TLK2: variants seen among roughly 807,000 people sequenced by gnomAD.
The protein encoded by TLK2 is tousled like kinase 2.
A neutral mutation model predicts 117.3 loss-of-function variants in TLK2; 6 were observed. The observed-to-expected ratio is 0.05, with a 90% CI of 0.03 to 0.10. The LOEUF (loss-of-function observed/expected upper bound fraction) is 0.10, where lower values mean the gene tolerates loss of function less well. Ranked by LOEUF, TLK2 falls within the 10% of genes least tolerant of loss-of-function variation. The probability of loss-of-function intolerance (pLI) is 1.00; values close to 1 mark genes in which losing one functional copy is unlikely to be tolerated. For missense variants in TLK2, 299 were observed against 901.2 expected, an observed-to-expected ratio of 0.33 and a Z score of 8.56; for synonymous variants, 257 against 316.7, an observed-to-expected ratio of 0.81 and a Z score of 2.00.
chr17:62,497,285 T>C (rs1015575122), intron 2 of TLK2, among the ~76,000 whole-genome samples: 1 of 152,122 alleles, frequency 6.6e-6, no homozygotes, highest in African/African-American at 2.4e-5. Context: ...AAAAAAATTC[T>C]GTGACTCAAA....
chr17:62,580,555 G>A (rs543562297), intron 15 of TLK2, among the ~76,000 whole-genome samples: 2 of 152,280 alleles, frequency 1.3e-5, no homozygotes, highest in African/African-American at 4.8e-5. Context: ...TGTCAAACCT[G>A]TTTCCAATAA....
In TLK2 at chr17:62,497,053, T is replaced by A. The variant is rs138568470; in HGVS notation, c.81+15847T>A. On this transcript the variant is annotated intron_variant, in intron 2 of 21. Transcript: ENST00000346027. ...CAAGAGGACCATTGAGCCTAGGAGT[T>A]TGAGACCAGCCTGGGCAAAGTGGTG... is the stretch of plus-strand genomic sequence containing the variant. Among the ~76,000 whole-genome samples, 127 of 151,920 alleles carry A rather than the reference T, an allele frequency of 8.4e-4. 2 individuals carry two copies. In the East Asian group the frequency reaches 0.019, roughly 23 times the overall value.
At chr17:62,514,097 T>C (rs942289524) in intron 2 of TLK2, among the ~76,000 whole-genome samples, 4 of 152,192 alleles carry the variant, frequency 2.6e-5, no homozygotes, top group Non-Finnish European at 4.4e-5. Flanking sequence ...AAAAAAGTGC[T>C]ACGTGTTAGT....
At chr17:62,554,735 G>T (rs2078719798) in intron 9 of TLK2, among the ~76,000 whole-genome samples, 1 of 152,008 alleles carries the variant, frequency 6.6e-6, no homozygotes, top group Non-Finnish European at 1.5e-5. Context: ...TACAAAATTT[G>T]CCAGGCATGG....
At chr17:62,555,880 C>T (rs1598561260) in intron 9 of TLK2, among the ~76,000 whole-genome samples, 1 of 152,152 alleles carries the variant, frequency 6.6e-6, no homozygotes, top group African/African-American at 2.4e-5. Context: ...CCCCAGTCCC[C>T]GCCTGATGTG....
intron 2 of TLK2, chr17:62,507,580 G>GT (rs771846810): frequency 6.6e-6 from 1 of 152,148 alleles, no homozygotes; most frequent in Non-Finnish European, 1.5e-5. Context: ...CTAGGCAGGC[G>GT]TAACTTTTGT....
chr17:62,482,943 A>T (rs2071863242), intron 2 of TLK2, among the ~76,000 whole-genome samples: 1 of 152,142 alleles, frequency 6.6e-6, no homozygotes, highest in African/African-American at 2.4e-5. Flanking sequence ...TTTGTTACAT[A>T]TTCTTAATTT....
intron 6 of TLK2, among the ~76,000 whole-genome samples, chr17:62,524,843 C>G (rs1191742787): frequency 6.6e-6 from 1 of 152,156 alleles, no homozygotes; most frequent in Non-Finnish European, 1.5e-5. Context: ...TTTTGCCCCT[C>G]AGGAACATTT....
At chr17:62,546,360 T>TTTTTTTTTTTTTTTTTTAC (rs1555628571) in intron 7 of TLK2, among the ~76,000 whole-genome samples, 1 of 98,862 alleles carries the variant, frequency 1.0e-5, no homozygotes, top group African/African-American at 3.5e-5. Context: ...TTTTTTTTTT[T>TTTTTTTTTTTTTTTTTTAC]ACATAATGAA....
At chr17:62,583,552 T>C (rs2081368765) in intron 15 of TLK2, among the ~76,000 whole-genome samples, 1 of 152,084 alleles carries the variant, frequency 6.6e-6, no homozygotes, top group South Asian at 2.1e-4. Context: ...TCCTATTTTT[T>C]CCTAATGTAT....
chr17:62,610,770 A>G (rs976472324), intron 21 of TLK2, among the ~76,000 whole-genome samples: 1 of 152,180 alleles, frequency 6.6e-6, no homozygotes, highest in African/African-American at 2.4e-5. Context: ...AGGCAGTTGC[A>G]GGTTTTAATC....
intron 7 of TLK2, among the ~76,000 whole-genome samples, chr17:62,547,007 T>A (rs1241770471): frequency 6.6e-6 from 1 of 152,244 alleles, no homozygotes; most frequent in African/African-American, 2.4e-5. Context: ...TTTACTTTTT[T>A]AATTTTTGTA....
At chr17:62,524,874 TTGG>T (rs755566182) in intron 6 of TLK2, among the ~76,000 whole-genome samples, 17 of 152,308 alleles carry the variant, frequency 1.1e-4, no homozygotes, top group Middle Eastern at 3.4e-3. Context: ...GGAGTCATTA[TTGG>T]TTGTCACTGC....
chr17:62,486,861 C>G (rs2072454267), intron 2 of TLK2, among the ~76,000 whole-genome samples: 1 of 152,228 alleles, frequency 6.6e-6, no homozygotes, highest in South Asian at 2.1e-4. Context: ...TCTCCATTCT[C>G]TCTTTATAAG....
chr17:62,588,679 A>G (rs942657793), intron 16 of TLK2, among the ~76,000 whole-genome samples: 3 of 151,746 alleles, frequency 2.0e-5, no homozygotes, highest in African/African-American at 7.3e-5. Context: ...TTGTTTTCCA[A>G]TCAGGAAGCA....
chr17:62,482,448 G>GTTTTTTTTTTTTTTTT (rs1430487968), intron 2 of TLK2, among the ~76,000 whole-genome samples: 1 of 131,398 alleles, frequency 7.6e-6, no homozygotes, highest in African/African-American at 2.8e-5. Context: ...GCTTGATAGG[G>GTTTTTTTTTTTTTTTT]TTTTGTTTTT....
At chr17:62,554,119 G>T (rs990645122) in intron 9 of TLK2, among the ~76,000 whole-genome samples, 6 of 152,096 alleles carry the variant, frequency 3.9e-5, no homozygotes, top group African/African-American at 1.4e-4. Flanking sequence ...GGACTTATTA[G>T]CCCATTTTGC....
intron 11 of TLK2, among the ~76,000 whole-genome samples, chr17:62,568,908 C>T (rs2080031020): frequency 6.6e-6 from 1 of 152,130 alleles, no homozygotes; most frequent in Admixed American, 6.5e-5. Context: ...ATGATTCACT[C>T]ATTTTGTTGA....
intron 7 of TLK2, among the ~76,000 whole-genome samples, chr17:62,544,182 A>G (rs550607080): frequency 2.0e-5 from 3 of 152,318 alleles, no homozygotes; most frequent in East Asian, 3.9e-4. Context: ...CTCCATCTAT[A>G]TCTTTGTTAT....
Sources: allele counts gnomAD v4.1 joint callset (sites outside exome capture counted in the v4.1 genomes callset), GRCh38; gene constraint gnomAD v4.1.1; transcripts MANE v1.5; gene names NCBI Gene and HGNC (gene_info 2026-07-23, HGNC 2026-07-21).